ZBBX: variants seen among roughly 807,000 people sequenced by gnomAD.
ZBBX encodes the protein zinc finger B-box domain containing.
ZBBX carries 101 observed loss-of-function variants against 108.5 expected under a neutral mutation model. The observed-to-expected ratio is 0.93, with a 90% CI of 0.79 to 1.10. The LOEUF is 1.10. ZBBX is among the 50% of genes least tolerant of loss of function. The pLI, the probability that ZBBX is intolerant of heterozygous loss-of-function variation, is 0.00. For missense variants in ZBBX, 1,009 were observed against 941.4 expected (o/e 1.07, Z -0.94); for synonymous variants, 356 against 323.4 (o/e 1.10, Z -1.08).
At chr3:167,396,237 T>C (rs1433870042) in intron 1 of ZBBX, among the ~76,000 whole-genome samples, 1 of 152,054 alleles carries the variant, frequency 6.6e-6, no homozygotes, top group East Asian at 1.9e-4. Flanking sequence ...TACATTTCCC[T>C]GGCTCTGTGT....
chr3:167,381,416 G>C (rs1747710551), upstream of ZBBX: 1 of 152,160 alleles, frequency 6.6e-6, no homozygotes, highest in African/African-American at 2.4e-5. Context: ...TAGTATGGAA[G>C]AGTAAATGAA....
chr3:167,204,045 C>A, the ZBBX span, among the ~76,000 whole-genome samples: 2 of 152,052 alleles, frequency 1.3e-5, no homozygotes, highest in Admixed American at 6.6e-5. Flanking sequence ...AGACAACAGA[C>A]AATGTACTGA....
chr3:167,183,771 C>T, the ZBBX span, among the ~76,000 whole-genome samples: 2 of 152,178 alleles, frequency 1.3e-5, no homozygotes, highest in Admixed American at 6.5e-5. Flanking sequence ...GTTCCTTGCC[C>T]TCATTCTGGT....
At chr3:167,263,427 C>T (rs1210889022) in intron 20 of ZBBX, among the ~76,000 whole-genome samples, 1 of 152,156 alleles carries the variant, frequency 6.6e-6, no homozygotes, top group Non-Finnish European at 1.5e-5. Flanking sequence ...ATGGTATTTA[C>T]ATTATCATTT....
At chr3:167,328,217 A>T (rs1013229079) in intron 10 of ZBBX, 101 bp from the exon 11 acceptor site, 5 of 1,150,750 alleles carry the variant, frequency 4.3e-6, no homozygotes, top group Middle Eastern at 2.3e-4. Flanking sequence ...TACAGGTAGA[A>T]CTAATTATTA....
chr3:167,180,320 G>A, the ZBBX span, among the ~76,000 whole-genome samples: 1 of 152,200 alleles, frequency 6.6e-6, no homozygotes, highest in Non-Finnish European at 1.5e-5. Flanking sequence ...GGAATGCCTA[G>A]AGCAGGTCGT....
At chr3:167,243,246 C>G (rs1439914433) in intron 20 of ZBBX, among the ~76,000 whole-genome samples, 1 of 152,088 alleles carries the variant, frequency 6.6e-6, no homozygotes, top group African/African-American at 2.4e-5. Flanking sequence ...TATAAACTAC[C>G]AAAAATTCAA....
At chr3:167,350,283 G>A (rs1171691502) in intron 9 of ZBBX, 137 bp downstream of exon 9, 3 of 549,938 alleles carry the variant, frequency 5.5e-6, no homozygotes, top group Non-Finnish European at 9.5e-6. Flanking sequence ...TATGCATCAG[G>A]ATTGTCTGTA....
At chr3:167,248,475 A>G in intron 20 of ZBBX, 1 of 242,182 alleles carries the variant, frequency 4.1e-6, no homozygotes, top group Non-Finnish European at 8.7e-6. Context: ...TCTAAGTGAG[A>G]GGCGTCCCCC....
chr3:167,294,733 G>C (rs890216503), intron 18 of ZBBX, among the ~76,000 whole-genome samples: 1 of 152,080 alleles, frequency 6.6e-6, no homozygotes, highest in African/African-American at 2.4e-5. Context: ...CACAGCAAAA[G>C]AAACTATCAT....
chr3:167,344,372 T>G (rs987634695), intron 9 of ZBBX, among the ~76,000 whole-genome samples: 3 of 151,890 alleles, frequency 2.0e-5, no homozygotes, highest in African/African-American at 7.2e-5. Flanking sequence ...ATATGAATTA[T>G]ATCGCAATAA....
In ZBBX at chr3:167,328,112, T is replaced by G. The variant is rs1737746993; in HGVS notation, c.692A>C (p.Glu231Ala). ...TTGTGCTCTTTTCATCGTTGTAATT[T>G]CTACCTAATTAAAAGGATACATAGG... Reference protein sequence around the residue: ...VLLQRSSSEVEITTMKRAQRT... With the variant: ...VLLQRSSSEVAITTMKRAQRT... Residue 231 changes from glutamate to alanine, a missense_variant, in exon 11 of 22, where the codon GAA becomes GCA. Physicochemically the swap from Glu to Ala is moderately radical, Grantham distance 107 (BLOSUM62 -1). Coordinates refer to ENST00000675490, the MANE Select transcript of ZBBX (RefSeq NM_001199201.2). 2 of 1,608,722 alleles carry G rather than the reference T, an allele frequency of 1.2e-6. No homozygotes were observed. Among genetic ancestry groups the G allele is most frequent in the Non-Finnish European group, 1.7e-6 (2 of 1,178,528 alleles).
chr3:167,294,510 TG>T (rs907070274), intron 18 of ZBBX, among the ~76,000 whole-genome samples: 4 of 152,332 alleles, frequency 2.6e-5, no homozygotes, highest in African/African-American at 9.6e-5. Flanking sequence ...AAACTGAAAC[TG>T]GATCCCTTCC....
upstream of ZBBX, among the ~76,000 whole-genome samples, chr3:167,380,973 C>A (rs898198148): frequency 2.0e-5 from 3 of 151,694 alleles, no homozygotes; most frequent in African/African-American, 7.3e-5. Context: ...TTATCTTTGG[C>A]TTCCTAAATA....
intron 8 of ZBBX, among the ~76,000 whole-genome samples, chr3:167,356,771 T>C (rs1388123703): frequency 6.6e-6 from 1 of 152,118 alleles, no homozygotes; most frequent in Admixed American, 6.6e-5. Context: ...CTCATGAAGT[T>C]TACATTGCAG....
chr3:167,340,013 T>C (rs1647471822), intron 9 of ZBBX, among the ~76,000 whole-genome samples: 1 of 152,116 alleles, frequency 6.6e-6, no homozygotes, highest in Admixed American at 6.6e-5. Context: ...ACATGTATAC[T>C]GAAGAATTAT....
chr3:167,250,756 C>T (rs1722449329), intron 20 of ZBBX, among the ~76,000 whole-genome samples: 1 of 151,990 alleles, frequency 6.6e-6, no homozygotes, highest in South Asian at 2.1e-4. Context: ...AGAATGATAC[C>T]GGAGGGGTCG....
intron 16 of ZBBX, among the ~76,000 whole-genome samples, chr3:167,308,144 G>C (rs1263525417): frequency 6.6e-6 from 1 of 152,022 alleles, no homozygotes; most frequent in African/African-American, 2.4e-5. Context: ...TAAAAAGTGG[G>C]CAAAGACATG....
chr3:167,291,885 A>G (rs1730755979), intron 18 of ZBBX, among the ~76,000 whole-genome samples: 1 of 152,152 alleles, frequency 6.6e-6, no homozygotes, highest in Non-Finnish European at 1.5e-5. Flanking sequence ...TGGAAAGCAG[A>G]AAAAAAGCAG....
Sources: allele counts gnomAD v4.1 joint callset (sites outside exome capture counted in the v4.1 genomes callset), GRCh38; gene constraint gnomAD v4.1.1; transcripts MANE v1.5; gene names NCBI Gene and HGNC (gene_info 2026-07-23, HGNC 2026-07-21).